Variants in CNTN5 observed in about 807,000 individuals in gnomAD.
CNTN5 encodes the protein contactin-5.
A neutral mutation model predicts 129.1 loss-of-function variants in CNTN5; 77 were observed. The ratio of observed to expected loss-of-function variants is 0.60; its 90% CI spans 0.50 to 0.72. CNTN5 has a LOEUF of 0.72. CNTN5 is among the 30% of genes least tolerant of loss of function. CNTN5 has a pLI of 0.00. For missense variants in CNTN5, 1,478 were observed against 1,328.8 expected, an observed-to-expected ratio of 1.11 and a Z score of -1.75; for synonymous variants, 509 against 465.6, an observed-to-expected ratio of 1.09 and a Z score of -1.20.
chr11:99,706,865 G>A (rs1303330431), intron 3 of CNTN5, among the ~76,000 whole-genome samples: 1 of 148,998 alleles, frequency 6.7e-6, no homozygotes, highest in East Asian at 2.0e-4. Context: ...AAGCTATAAG[G>A]ATATGGATTA....
At chr11:99,770,499 C>A (rs1258204245) in intron 3 of CNTN5, among the ~76,000 whole-genome samples, 1 of 151,962 alleles carries the variant, frequency 6.6e-6, no homozygotes, top group African/African-American at 2.4e-5. Flanking sequence ...AACTTAGTGT[C>A]TGTATATAGT....
chr11:99,962,857 G>A (rs4618402), intron 8 of CNTN5, among the ~76,000 whole-genome samples: 9,419 of 150,576 alleles, frequency 0.063, 531 homozygotes, highest in African/African-American at 0.13. Context: ...ATTCTAACTG[G>A]TGTGAGATGA....
intron 20 of CNTN5, among the ~76,000 whole-genome samples, chr11:100,305,805 T>C (rs1420724559): frequency 6.6e-6 from 1 of 151,570 alleles, no homozygotes; most frequent in East Asian, 1.9e-4. Flanking sequence ...CATGCTGAAA[T>C]GTCTAATTCA....
intron 1 of CNTN5, among the ~76,000 whole-genome samples, chr11:99,268,740 T>G: frequency 6.6e-6 from 1 of 152,046 alleles, no homozygotes; most frequent in East Asian, 1.9e-4. Context: ...AAAATATGGA[T>G]ATGAAATAAA....
At chr11:99,621,983 A>G (rs193048153) in intron 3 of CNTN5, among the ~76,000 whole-genome samples, 2 of 152,232 alleles carry the variant, frequency 1.3e-5, no homozygotes, top group Non-Finnish European at 2.9e-5. Context: ...AACATCATGG[A>G]TAAAATCTGA....
At chr11:99,493,161 C>G (rs1185994007) in intron 2 of CNTN5, among the ~76,000 whole-genome samples, 1 of 152,154 alleles carries the variant, frequency 6.6e-6, no homozygotes, top group Non-Finnish European at 1.5e-5. Context: ...TATATTTTAA[C>G]TTATATAGTT....
intron 2 of CNTN5, among the ~76,000 whole-genome samples, chr11:99,388,718 A>G (rs1330140397): frequency 6.6e-6 from 1 of 152,162 alleles, no homozygotes; most frequent in Admixed American, 6.5e-5. Flanking sequence ...GCTACTATAC[A>G]TACAGATTTG....
intron 13 of CNTN5, among the ~76,000 whole-genome samples, chr11:100,124,478 A>AT (rs1946122869): frequency 6.6e-6 from 1 of 152,022 alleles, no homozygotes; most frequent in Admixed American, 6.6e-5. Flanking sequence ...AAAAGCTATA[A>AT]AAGAAATAAA....
chr11:99,439,070 T>C (rs1943711125), intron 2 of CNTN5, among the ~76,000 whole-genome samples: 1 of 152,188 alleles, frequency 6.6e-6, no homozygotes, highest in Non-Finnish European at 1.5e-5. Context: ...ATCTTTTCGA[T>C]AGAGTGACCT....
intron 2 of CNTN5, among the ~76,000 whole-genome samples, chr11:99,422,996 T>C (rs1942967253): frequency 6.6e-6 from 1 of 152,160 alleles, no homozygotes. Context: ...CGTTATTGAA[T>C]AAGCATGTAA....
intron 1 of CNTN5, among the ~76,000 whole-genome samples, chr11:99,238,073 A>G (rs1185832454): frequency 6.6e-6 from 1 of 152,216 alleles, no homozygotes; most frequent in African/African-American, 2.4e-5. Flanking sequence ...TGTCCTCTAA[A>G]GTAATTTGTA....
intron 3 of CNTN5, among the ~76,000 whole-genome samples, chr11:99,667,611 A>T (rs1952844796): frequency 6.6e-6 from 1 of 152,300 alleles, no homozygotes; most frequent in East Asian, 1.9e-4. Flanking sequence ...AATACCATGC[A>T]CTCATAAAAA....
At chr11:100,279,883 G>C (rs1031275102) in intron 18 of CNTN5, among the ~76,000 whole-genome samples, 1 of 142,080 alleles carries the variant, frequency 7.0e-6, no homozygotes, top group Non-Finnish European at 1.5e-5. Flanking sequence ...TGCCTCATTA[G>C]GTTGTTTATT....
At chr11:99,611,813 T>C (rs1035553636) in intron 3 of CNTN5, among the ~76,000 whole-genome samples, 4 of 152,184 alleles carry the variant, frequency 2.6e-5, no homozygotes, top group African/African-American at 9.6e-5. Context: ...TAACAGCCAA[T>C]TGGATAGACT....
intron 9 of CNTN5, among the ~76,000 whole-genome samples, chr11:100,053,786 C>G (rs993707860): frequency 6.6e-6 from 1 of 151,648 alleles, no homozygotes; most frequent in African/African-American, 2.4e-5. Flanking sequence ...TTCATAATAG[C>G]CTAAAACTGA....
chr11:99,956,006 T>C (rs11222034), intron 7 of CNTN5, among the ~76,000 whole-genome samples: 8,260 of 152,236 alleles, frequency 0.054, 259 homozygotes, highest in Non-Finnish European at 0.074. Context: ...TATATCCTCT[T>C]TACTGTTTTT....
chr11:99,585,688 G>T (rs1375585805), intron 3 of CNTN5, among the ~76,000 whole-genome samples: 2 of 151,968 alleles, frequency 1.3e-5, no homozygotes, highest in African/African-American at 4.8e-5. Context: ...AATATCAAAA[G>T]GTTTGAGAAC....
intron 3 of CNTN5, among the ~76,000 whole-genome samples, chr11:99,676,099 A>T (rs1372813183): frequency 1.3e-5 from 2 of 152,222 alleles, no homozygotes; most frequent in African/African-American, 4.8e-5. Context: ...TGAAGTGTCC[A>T]ACATGTAATA....
chr11:99,512,701 A>G (rs557234426), intron 2 of CNTN5, among the ~76,000 whole-genome samples: 163 of 152,014 alleles, frequency 1.1e-3, no homozygotes, highest in Non-Finnish European at 2.0e-3. Context: ...GTGATCTTTG[A>G]TGTCACTATT....
Sources: allele counts gnomAD v4.1 joint callset (sites outside exome capture counted in the v4.1 genomes callset), GRCh38; gene constraint gnomAD v4.1.1; transcripts MANE v1.5; gene names NCBI Gene and HGNC (gene_info 2026-07-23, HGNC 2026-07-21).